The following TUT4 variants were observed in gnomAD, a reference collection of about 807,000 sequenced individuals.
TUT4 encodes terminal uridylyltransferase 4.
TUT4 carries 36 observed loss-of-function variants against 192.2 expected under a neutral mutation model. That is an observed-to-expected ratio of 0.19 (90% CI 0.14 to 0.25). The LOEUF is 0.25. Among genes scored for constraint, TUT4 ranks in the 10% least tolerant of loss-of-function variants. The pLI, the probability that TUT4 is intolerant of heterozygous loss-of-function variation, is 1.00. For missense variants in TUT4, 1,493 were observed against 1,957.2 expected (o/e 0.76, Z 4.47); for synonymous variants, 618 against 666.0 (o/e 0.93, Z 1.11).
intron 4 of TUT4, among the ~76,000 whole-genome samples, chr1:52,501,302 A>C (rs1012547434): frequency 2.6e-5 from 4 of 152,238 alleles, no homozygotes; most frequent in Non-Finnish European, 5.9e-5. Context: ...AAAGGATTTG[A>C]ATAGACATTT....
intron 8 of TUT4, among the ~76,000 whole-genome samples, chr1:52,489,257 A>G (rs551224133): frequency 6.6e-6 from 1 of 152,380 alleles, no homozygotes; most frequent in African/African-American, 2.4e-5. Flanking sequence ...TTTAACATTC[A>G]TTTGTACTTC....
chr1:52,443,871 G>A (rs930653860), intron 24 of TUT4, among the ~76,000 whole-genome samples: 5 of 152,172 alleles, frequency 3.3e-5, no homozygotes, highest in Non-Finnish European at 7.3e-5. Flanking sequence ...CAATTCTCAG[G>A]TAAAATGCTT....
At chr1:52,533,815 A>G (rs928483785) in intron 1 of TUT4, among the ~76,000 whole-genome samples, 1 of 152,088 alleles carries the variant, frequency 6.6e-6, no homozygotes, top group African/African-American at 2.4e-5. Flanking sequence ...ATACAAAAAA[A>G]TTTAGCCAGG....
At chr1:52,549,419 G>C (rs1688856728) in intron 1 of TUT4, among the ~76,000 whole-genome samples, 1 of 152,024 alleles carries the variant, frequency 6.6e-6, no homozygotes, top group Non-Finnish European at 1.5e-5. Flanking sequence ...CCCTAGGTCT[G>C]GAATGACCTC....
chr1:52,477,766 T>C lies in TUT4; in HGVS notation c.1965A>G (p.Ile655Met), dbSNP rs544068513. ...TATTTTCTCTTGTTAAAATATCTTG[T>C]ATCCGTACACATATGACATATTCCT... ...ALEEYVICVR[I>M]QDILTRENKN... The change falls in exon 12 of 30, where the codon ATA (isoleucine) becomes ATG (methionine). Residue 655 changes from isoleucine to methionine, a missense_variant. Ile to Met is a conservative substitution (Grantham distance 10, BLOSUM62 1). Transcript: ENST00000257177. 29 of 1,613,878 alleles carry C rather than the reference T, an allele frequency of 1.8e-5. No homozygotes were observed. Among genetic ancestry groups the C allele is most frequent in the Non-Finnish European group, 2.4e-5 (28 of 1,179,912 alleles).
At chr1:52,507,567 TTC>T (rs1309249425) in intron 4 of TUT4, among the ~76,000 whole-genome samples, 4 of 152,204 alleles carry the variant, frequency 2.6e-5, no homozygotes, top group Non-Finnish European at 5.9e-5. Context: ...CAAGTTTGCT[TTC>T]TTTTTGTTCA....
rs776603618 is a variant in TUT4, at chr1:52,471,982, T to C, written c.2848A>G (p.Ile950Val). Residue 950 changes from isoleucine (I) to valine (V), a missense_variant, in exon 14 of 30, where the codon ATA (isoleucine) becomes GTA (valine). Around this residue, in one of 7 missense-constraint regions of TUT4, gnomAD observed 59 missense variants for 114.3 expected, o/e 0.52. Coordinates refer to ENST00000257177, the MANE Select transcript of TUT4 (RefSeq NM_001009881.3). ...CATCTTTTACATACTAAATCAAGTATTTCCCGAAATCGGTTTGTCATTGGT... is the reference window on the plus strand; with the variant it reads ...CATCTTTTACATACTAAATCAAGTACTTCCCGAAATCGGTTTGTCATTGGT... ...LPPMTNRFRE[I>V]LDLVCKRCFD... The C allele has an allele frequency of 2.5e-6, 4 of 1,613,598 alleles. No homozygotes were observed. Among genetic ancestry groups the C allele is most frequent in the Admixed American group, 1.7e-5 (1 of 60,010 alleles).
intron 13 of TUT4, among the ~76,000 whole-genome samples, chr1:52,472,995 C>T (rs2148861176): frequency 6.6e-6 from 1 of 152,168 alleles, no homozygotes; most frequent in Middle Eastern, 3.4e-3. Context: ...TCTCTATCAC[C>T]TTTTCAAAGC....
At chr1:52,444,131 G>A (rs945256706) in intron 24 of TUT4, among the ~76,000 whole-genome samples, 2 of 151,994 alleles carry the variant, frequency 1.3e-5, no homozygotes, top group South Asian at 2.1e-4. Context: ...TGCTACTCTC[G>A]GCTGAGGCAG....
At chr1:52,493,590 A>T in intron 7 of TUT4, 21 bp downstream of exon 7, 1 of 1,429,890 alleles carries the variant, frequency 7.0e-7, no homozygotes, top group Non-Finnish European at 9.6e-7. Context: ...AAAAAAGAAA[A>T]GAAAAAGAAA....
rs556907437 is a variant in TUT4, at chr1:52,477,694, A to G, written c.2023+14T>C. The G allele has an allele frequency of 6.3e-7, 1 of 1,599,530 alleles. No individual in the cohort carries two copies. The highest frequency in any genetic ancestry group is 1.3e-5 in the African/African-American group (1 of 74,260). Reference sequence around the variant, plus strand: ...AAAAATATTCTCCAAATGAAATACAACATATCATCTCACCTTCAATGGCTA... The same window carrying G: ...AAAAATATTCTCCAAATGAAATACAGCATATCATCTCACCTTCAATGGCTA... On this transcript the variant is annotated intron_variant, in intron 12 of 29. Coordinates refer to ENST00000257177, the MANE Select transcript of TUT4 (RefSeq NM_001009881.3).
intron 4 of TUT4, among the ~76,000 whole-genome samples, chr1:52,509,000 C>T (rs1275755176): frequency 6.6e-6 from 1 of 152,170 alleles, no homozygotes; most frequent in African/African-American, 2.4e-5. Context: ...CTTAAAGTTA[C>T]TCATATGCCA....
rs746425528 is a variant in TUT4, at chr1:52,425,522, G to C, written c.4712-15C>G. On this transcript the variant is annotated splice_polypyrimidine_tract_variant and intron_variant, in intron 28 of 29. Transcript: ENST00000257177. ...AAAGCCTGGCTCTGCATTTCAACAA[G>C]AGGGAAAAAGACATTTAAAAACATT... 3.1e-6 allele frequency: 5 copies of C among 1,599,310 alleles called. No individual in the cohort carries two copies. Among genetic ancestry groups the C allele is most frequent in the African/African-American group, 1.3e-5 (1 of 74,282 alleles).
chr1:52,460,863 C>A, intron 19 of TUT4: 1 of 246,882 alleles, frequency 4.1e-6, no homozygotes, highest in Admixed American at 5.3e-5. Flanking sequence ...ATGCCAACTC[C>A]CATGCCTGGG....
At chr1:52,524,062 C>T (rs140506769) in intron 2 of TUT4, among the ~76,000 whole-genome samples, 3,483 of 152,246 alleles carry the variant, frequency 0.023, 54 homozygotes, top group Non-Finnish European at 0.033. Context: ...GACAATATTT[C>T]TAAACAATTA....
chr1:52,465,751 G>C (rs962786082), intron 15 of TUT4, among the ~76,000 whole-genome samples: 9 of 152,182 alleles, frequency 5.9e-5, no homozygotes, highest in Admixed American at 5.9e-4. Flanking sequence ...CCAAAAATGA[G>C]TGATTATAGT....
chr1:52,519,866 A>G (rs898986193), intron 2 of TUT4, among the ~76,000 whole-genome samples: 4 of 152,136 alleles, frequency 2.6e-5, no homozygotes, highest in Admixed American at 1.3e-4. Context: ...ACAGAAGTAT[A>G]TACTTTAAAA....
chr1:52,518,894 CTG>C (rs1679421083), intron 2 of TUT4, among the ~76,000 whole-genome samples: 1 of 152,166 alleles, frequency 6.6e-6, no homozygotes, highest in Non-Finnish European at 1.5e-5. Context: ...CTGTGCAACA[CTG>C]TGAATGTACT....
chr1:52,535,691 T>C (rs1324756446), intron 1 of TUT4, among the ~76,000 whole-genome samples: 1 of 152,156 alleles, frequency 6.6e-6, no homozygotes. Context: ...CAAAGCTCAA[T>C]AAACTTTAAG....
Sources: allele counts gnomAD v4.1 joint callset (sites outside exome capture counted in the v4.1 genomes callset), GRCh38; gene constraint gnomAD v4.1.1; regional missense constraint gnomAD v4.1.1; transcripts MANE v1.5; gene names NCBI Gene and HGNC (gene_info 2026-07-23, HGNC 2026-07-21).